Variants in ZFP14 observed in about 807,000 individuals in gnomAD.
The protein encoded by ZFP14 is ZFP14 zinc finger protein, also known as zinc finger protein 14 homolog.
A neutral mutation model predicts 54.5 loss-of-function variants in ZFP14; 22 were observed. The ratio of observed to expected loss-of-function variants is 0.40; its 90% CI spans 0.29 to 0.58. The LOEUF is 0.58. Among genes scored for constraint, ZFP14 ranks in the 20% least tolerant of loss-of-function variants. The pLI is 0.39. For synonymous variants in ZFP14, 159 were observed against 204.0 expected (o/e 0.78, Z 1.88); for missense variants, 470 against 637.8 (o/e 0.74, Z 2.83).
intron 1 of ZFP14, among the ~76,000 whole-genome samples, chr19:36,371,077 A>T (rs2031870571): frequency 2.0e-5 from 3 of 152,188 alleles, no homozygotes; most frequent in Admixed American, 6.5e-5. Flanking sequence ...CCTGGCTAAC[A>T]CGGTGAAACC....
At chr19:36,365,479 G>C (rs987432742) in intron 2 of ZFP14, among the ~76,000 whole-genome samples, 1 of 152,230 alleles carries the variant, frequency 6.6e-6, no homozygotes, top group Admixed American at 6.5e-5. Flanking sequence ...GTGATAGCGG[G>C]AACGGCTGAC....
Position 36,341,389 on chromosome 19 carries a change from G to A in ZFP14, c.437C>T (p.Thr146Ile), listed in dbSNP as rs774887624. ...QEGYFGQVKI[T>I]SEKMTTYKRH... ...TTTGTAAGTGGTCATTTTTTCAGAG[G>A]TAATTTTCACTTGCCCAAAATATCC... The change falls in exon 5 of 5, where the codon ACC becomes ATC. Residue 146 changes from threonine (T) to isoleucine (I), a missense_variant. By Grantham distance (89) the Thr-to-Ile change is moderately conservative (BLOSUM62 -1). Transcript: ENST00000270001. This position sits in a 1 kb window ranked among gnomAD's most constrained non-coding sequence, Gnocchi z 4.2. The A allele has an allele frequency of 1.7e-5, 28 of 1,613,658 alleles. No homozygotes were observed. Among genetic ancestry groups the A allele is most frequent in the African/African-American group, 2.7e-5 (2 of 74,892 alleles).
At chr19:36,361,167 G>A (rs981022546) in intron 3 of ZFP14, among the ~76,000 whole-genome samples, 2 of 152,116 alleles carry the variant, frequency 1.3e-5, no homozygotes, top group Non-Finnish European at 2.9e-5. Flanking sequence ...TAAATGCCAG[G>A]CTTTTAGATT....
chr19:36,377,546 TAAA>T (rs60132379), intron 1 of ZFP14, among the ~76,000 whole-genome samples: 2 of 137,536 alleles, frequency 1.5e-5, no homozygotes, highest in East Asian at 2.2e-4. Flanking sequence ...ACCCTGTCTC[TAAA>T]AAAAAAAAAA....
Position 36,340,970 on chromosome 19 carries a change from A to G in ZFP14, c.856T>C (p.Cys286Arg). 1.9e-6 allele frequency: 3 copies of G among 1,614,148 alleles called. No individual in the cohort carries two copies. Among genetic ancestry groups the G allele is most frequent in the Non-Finnish European group, 2.5e-6 (3 of 1,180,014 alleles). The change falls in exon 5 of 5, where the codon TGT becomes CGT. Residue 286 changes from cysteine (C) to arginine (R), a missense_variant. Transcript: ENST00000270001. The surrounding 1 kb of genome is among the most constrained non-coding windows in gnomAD (Gnocchi z 5.4). ...RIHTGEKPYE[C>R]KDCGKTFRQC... is the part of the protein sequence containing the mutation. ...CTAAAGGTCTTTCCACAGTCCTTAC[A>G]TTCATAGGGTTTCTCACCAGTGTGA...
intron 1 of ZFP14, among the ~76,000 whole-genome samples, chr19:36,374,634 A>G (rs1221889013): frequency 6.6e-6 from 1 of 152,226 alleles, no homozygotes. Flanking sequence ...ACCATTGAAA[A>G]TGATGCAACC....
At chr19:36,374,266 G>A (rs1009996299) in intron 1 of ZFP14, among the ~76,000 whole-genome samples, 26 of 152,012 alleles carry the variant, frequency 1.7e-4, no homozygotes, top group Non-Finnish European at 2.9e-4. Context: ...CAAGACAGGC[G>A]GATCACCTGA....
chr19:36,344,319 CATATTTAT>C (rs768792942), intron 4 of ZFP14, among the ~76,000 whole-genome samples: 50 of 151,994 alleles, frequency 3.3e-4, no homozygotes, highest in Non-Finnish European at 3.5e-4. Context: ...CATTCTTTTT[CATATTTAT>C]AACACTTTCT....
chr19:36,347,329 G>T (rs567987363), intron 4 of ZFP14, among the ~76,000 whole-genome samples: 4 of 152,282 alleles, frequency 2.6e-5, no homozygotes, highest in African/African-American at 9.6e-5. Flanking sequence ...AGTATTCAAG[G>T]CTGGGCGCAA....
At chr19:36,362,307 A>G in intron 2 of ZFP14, 69 bp from the exon 3 acceptor site, 1 of 1,512,080 alleles carries the variant, frequency 6.6e-7, no homozygotes, top group Non-Finnish European at 8.9e-7. Context: ...AAGAGGGGAG[A>G]TTGAGGATTG....
Position 36,340,949 on chromosome 19 carries a change from A to C in ZFP14, c.877T>G (p.Phe293Val). The C allele has an allele frequency of 6.2e-7, 1 of 1,614,010 alleles. No individual in the cohort carries two copies. The highest frequency in any genetic ancestry group is 1.1e-5 in the South Asian group (1 of 91,064). The change falls in exon 5 of 5, where the codon TTT (phenylalanine) becomes GTT (valine). Residue 293 changes from phenylalanine to valine, a missense_variant. Physicochemically the swap from Phe to Val is conservative, Grantham distance 50. Coordinates refer to ENST00000270001, the MANE Select transcript of ZFP14 (RefSeq NM_020917.3). This position sits in a 1 kb window ranked among gnomAD's most constrained non-coding sequence, Gnocchi z 5.4. ...PYECKDCGKT[F>V]RQCTHLTRHQ... Reference sequence around the variant, plus strand: ...CGTGTAAGGTGTGTACACTGTCTAAAGGTCTTTCCACAGTCCTTACATTCA... The same window carrying C: ...CGTGTAAGGTGTGTACACTGTCTAACGGTCTTTCCACAGTCCTTACATTCA...
intron 4 of ZFP14, among the ~76,000 whole-genome samples, chr19:36,357,078 T>C (rs1340971418): frequency 6.6e-6 from 1 of 152,226 alleles, no homozygotes; most frequent in Non-Finnish European, 1.5e-5. Flanking sequence ...AGTCCCACTC[T>C]GTCACCCAGG....
At chr19:36,342,092 T>C (rs553164946) in intron 4 of ZFP14, among the ~76,000 whole-genome samples, 8 of 151,364 alleles carry the variant, frequency 5.3e-5, no homozygotes, top group Non-Finnish European at 1.0e-4. Context: ...CCTGACCTCG[T>C]GATCCACCCA....
chr19:36,373,175 G>A, intron 1 of ZFP14, among the ~76,000 whole-genome samples: 1 of 151,942 alleles, frequency 6.6e-6, no homozygotes, highest in Non-Finnish European at 1.5e-5. Flanking sequence ...TACTCAGGAG[G>A]CTGAGGCAAG....
intron 4 of ZFP14, among the ~76,000 whole-genome samples, chr19:36,348,773 A>G (rs761625753): frequency 6.6e-6 from 1 of 152,134 alleles, no homozygotes; most frequent in Non-Finnish European, 1.5e-5. Context: ...GACCTCCTGT[A>G]GGAAGTGCTA....
At chr19:36,359,946 C>T (rs558653934) in intron 4 of ZFP14, among the ~76,000 whole-genome samples, 15 of 152,250 alleles carry the variant, frequency 9.9e-5, no homozygotes, top group African/African-American at 3.4e-4. Flanking sequence ...TGAGCCACCA[C>T]GCCCAGCCTC....
In ZFP14 at chr19:36,367,968, A is replaced by G. The variant is rs2031821357; in HGVS notation, c.-76T>C. The G allele has an allele frequency of 6.7e-7, 1 of 1,484,574 alleles. No homozygotes were observed. The highest frequency in any genetic ancestry group is 9.0e-7 in the Non-Finnish European group (1 of 1,105,730). 92.0% of individuals were successfully genotyped at this position (1,484,574 alleles called of 1,614,324 possible). A position where few individuals can be genotyped will look rare whatever the true frequency, so the allele number is the denominator to read the frequency against. On this transcript the variant is annotated 5_prime_UTR_variant, in exon 2 of 5. Transcript: ENST00000270001. ...GAGAACTATGGAGTCCTGATAAGCC[A>G]GAGCTGAAAGAAGAAAAAGAAACCA... is the stretch of plus-strand genomic sequence containing the variant.
chr19:36,363,254 C>T (rs1426669881), intron 2 of ZFP14, among the ~76,000 whole-genome samples: 3 of 134,144 alleles, frequency 2.2e-5, no homozygotes, highest in Admixed American at 9.0e-5. Context: ...AGTGCGGTGG[C>T]GTGATCTCGG....
chr19:36,361,301 G>A (rs546320841), intron 3 of ZFP14, among the ~76,000 whole-genome samples: 24 of 152,254 alleles, frequency 1.6e-4, no homozygotes, highest in African/African-American at 3.6e-4. Flanking sequence ...GTGCAATGGC[G>A]CGATCTCAAC....
Sources: allele counts gnomAD v4.1 joint callset (sites outside exome capture counted in the v4.1 genomes callset), GRCh38; gene constraint gnomAD v4.1.1; non-coding constraint Gnocchi (gnomAD v3.1); transcripts MANE v1.5; gene names NCBI Gene and HGNC (gene_info 2026-07-23, HGNC 2026-07-21).